GRIP1: variants seen among roughly 807,000 people sequenced by gnomAD.
GRIP1 encodes glutamate receptor interacting protein 1.
GRIP1 carries 45 observed loss-of-function variants against 129.9 expected under a neutral mutation model. That is an observed-to-expected ratio of 0.35 (90% CI 0.27 to 0.44). The LOEUF is 0.44. GRIP1 is among the 20% of genes least tolerant of loss of function. GRIP1 has a pLI of 1.00. For missense variants in GRIP1, 1,196 were observed against 1,396.8 expected, an observed-to-expected ratio of 0.86 and a Z score of 2.29; for synonymous variants, 530 against 520.8, an observed-to-expected ratio of 1.02 and a Z score of -0.24.
chr12:66,485,896 T>C (rs1339295569), intron 7 of GRIP1, among the ~76,000 whole-genome samples: 2 of 152,148 alleles, frequency 1.3e-5, no homozygotes, highest in East Asian at 3.8e-4. Flanking sequence ...TATATTCATA[T>C]GTACCACTCA....
chr12:66,543,565 A>C (rs7294527), intron 2 of GRIP1, among the ~76,000 whole-genome samples: 44,452 of 151,984 alleles, frequency 0.29, 6,431 homozygotes, highest in South Asian at 0.34. Context: ...CAAACCCCAG[A>C]AATCTCATGA....
chr12:66,411,835 A>C (rs60993397), intron 15 of GRIP1, among the ~76,000 whole-genome samples: 9,282 of 152,262 alleles, frequency 0.061, 736 homozygotes, highest in African/African-American at 0.18. Flanking sequence ...TCACAACGCA[A>C]TCACAAGTGT....
intron 16 of GRIP1, among the ~76,000 whole-genome samples, chr12:66,404,574 A>C (rs1166281761): frequency 6.6e-6 from 1 of 152,152 alleles, no homozygotes; most frequent in African/African-American, 2.4e-5. Context: ...AAACTTCAAA[A>C]TCTAGAGGCA....
At chr12:66,951,858 C>A (rs1016085312) in intron 1 of GRIP1, among the ~76,000 whole-genome samples, 5 of 147,300 alleles carry the variant, frequency 3.4e-5, no homozygotes, top group Non-Finnish European at 5.9e-5. Context: ...TCCTAGGTTT[C>A]TAGATTACAG....
intron 1 of GRIP1, among the ~76,000 whole-genome samples, chr12:66,914,169 G>A (rs897026469): frequency 6.6e-6 from 1 of 152,082 alleles, no homozygotes; most frequent in African/African-American, 2.4e-5. Context: ...AGCAAATTCT[G>A]GGAAGGTAAT....
intron 1 of GRIP1, among the ~76,000 whole-genome samples, chr12:66,930,182 T>C (rs1442718671): frequency 2.0e-5 from 3 of 150,326 alleles, no homozygotes; most frequent in Non-Finnish European, 3.0e-5. Flanking sequence ...TGTATACATG[T>C]GCCATGCTGG....
chr12:67,049,213 C>T (rs1443166774), intron 1 of GRIP1, among the ~76,000 whole-genome samples: 1 of 152,128 alleles, frequency 6.6e-6, no homozygotes, highest in Admixed American at 6.5e-5. Flanking sequence ...TAAACAATTT[C>T]CCATGTCATC....
At chr12:66,643,411 T>A (rs557091511) in intron 1 of GRIP1, among the ~76,000 whole-genome samples, 1 of 152,238 alleles carries the variant, frequency 6.6e-6, no homozygotes, top group Non-Finnish European at 1.5e-5. Context: ...GATATCAAAC[T>A]ATTTTAATGA....
Position 66,654,050 on chromosome 12 carries a change from A to G in GRIP1, c.55+24800T>C, listed in dbSNP as rs117273482. On this transcript the variant is annotated intron_variant, in intron 1 of 24. Coordinates refer to ENST00000359742, the MANE Select transcript of GRIP1 (RefSeq NM_001366722.1). Reference sequence around the variant, plus strand: ...TACAGAGGCTGAAAACGCTGTGGTCACCACTCAGCACTGTGACCACTGATT... The same window carrying G: ...TACAGAGGCTGAAAACGCTGTGGTCGCCACTCAGCACTGTGACCACTGATT... 6.6e-3 allele frequency among the ~76,000 whole-genome samples: 1,012 copies of G among 152,294 alleles called. 3 individuals are homozygous for G. Among genetic ancestry groups the G allele is most frequent in the Non-Finnish European group, 9.3e-3 (634 of 68,026 alleles).
intron 1 of GRIP1, among the ~76,000 whole-genome samples, chr12:66,610,821 T>C (rs2064761231): frequency 6.6e-6 from 1 of 152,114 alleles, no homozygotes; most frequent in African/African-American, 2.4e-5. Flanking sequence ...CCAACAGACA[T>C]TGCAGAGGTG....
chr12:66,708,812 A>G (rs778481278), intron 1 of GRIP1, among the ~76,000 whole-genome samples: 1 of 151,992 alleles, frequency 6.6e-6, no homozygotes, highest in African/African-American at 2.4e-5. Context: ...ACTGAAGTTT[A>G]TATTTACTTT....
intron 2 of GRIP1, among the ~76,000 whole-genome samples, chr12:66,562,717 A>T (rs2062583203): frequency 6.6e-6 from 1 of 152,138 alleles, no homozygotes; most frequent in South Asian, 2.1e-4. Flanking sequence ...GTATAATACA[A>T]TGTTAGATGC....
intron 1 of GRIP1, among the ~76,000 whole-genome samples, chr12:66,848,019 A>C (rs2137069742): frequency 6.6e-6 from 1 of 152,286 alleles, no homozygotes. Context: ...GATTTATGTT[A>C]CTAGGGGATA....
At chr12:66,979,252 A>AAAAAAAAAAACAAC (rs772753895) in intron 1 of GRIP1, among the ~76,000 whole-genome samples, 2 of 110,160 alleles carry the variant, frequency 1.8e-5, no homozygotes, top group Non-Finnish European at 3.6e-5. Flanking sequence ...AAAAAAAAAA[A>AAAAAAAAAAACAAC]AACAAGCCCG....
intron 1 of GRIP1, among the ~76,000 whole-genome samples, chr12:66,907,129 T>C (rs553097659): frequency 6.6e-6 from 1 of 152,350 alleles, no homozygotes; most frequent in African/African-American, 2.4e-5. Context: ...CAGTCTTTTC[T>C]TGTCTTTCAA....
At chr12:66,496,164 A>T (rs17246154) in intron 7 of GRIP1, among the ~76,000 whole-genome samples, 20,845 of 152,094 alleles carry the variant, frequency 0.14, 1,806 homozygotes, top group East Asian at 0.32. Flanking sequence ...TGTAGTCTCG[A>T]TACTTAGCTT....
At chr12:66,533,290 C>A (rs948283464) in intron 4 of GRIP1, among the ~76,000 whole-genome samples, 2 of 152,082 alleles carry the variant, frequency 1.3e-5, no homozygotes, top group Middle Eastern at 3.4e-3. Context: ...CCTGCCTCAG[C>A]CTCCCAAAGT....
chr12:66,685,305 G>A (rs1031778383), intron 1 of GRIP1, among the ~76,000 whole-genome samples: 12 of 152,120 alleles, frequency 7.9e-5, no homozygotes, highest in Admixed American at 3.3e-4. Flanking sequence ...AAATTTTGTA[G>A]GGCTAGTCAA....
chr12:66,902,271 T>C (rs2040855943), intron 1 of GRIP1, among the ~76,000 whole-genome samples: 2 of 152,234 alleles, frequency 1.3e-5, no homozygotes, highest in Admixed American at 1.3e-4. Context: ...TACATTCACA[T>C]ATTTAGCAAA....
Sources: gnomAD v4.1 joint callset for allele counts (sites outside exome capture counted in the v4.1 genomes callset) on GRCh38, gnomAD v4.1.1 for gene constraint, MANE v1.5 for transcripts, NCBI Gene and HGNC (gene_info 2026-07-23, HGNC 2026-07-21) for gene names.